FGF12: variants seen among roughly 807,000 people sequenced by gnomAD.
FGF12 encodes fibroblast growth factor 12.
In FGF12, 14 loss-of-function variants were observed where a neutral mutation model predicts 23.6. The observed-to-expected ratio is 0.59, with a 90% CI of 0.39 to 0.93. The LOEUF (loss-of-function observed/expected upper bound fraction) is 0.93. Among genes scored for constraint, FGF12 ranks in the 40% least tolerant of loss-of-function variants. FGF12 has a pLI of 0.00. For synonymous variants in FGF12, 62 were observed against 77.3 expected, an observed-to-expected ratio of 0.80 and a Z score of 1.04; for missense variants, 175 against 217.8, an observed-to-expected ratio of 0.80 and a Z score of 1.24.
intron 2 of FGF12, among the ~76,000 whole-genome samples, chr3:192,486,810 G>C (rs1184225384): frequency 6.6e-6 from 1 of 152,054 alleles, no homozygotes; most frequent in Non-Finnish European, 1.5e-5. Context: ...AATAAACACT[G>C]AACACTCATA....
chr3:192,371,671 G>A (rs1386599780), intron 2 of FGF12, among the ~76,000 whole-genome samples: 2 of 152,174 alleles, frequency 1.3e-5, no homozygotes, highest in Non-Finnish European at 2.9e-5. Flanking sequence ...GTTAACAAAT[G>A]CCAGGCACTT....
At chr3:192,217,626 C>T (rs897845749) in intron 4 of FGF12, among the ~76,000 whole-genome samples, 1 of 152,078 alleles carries the variant, frequency 6.6e-6, no homozygotes, top group Non-Finnish European at 1.5e-5. Flanking sequence ...TAGAATTAAG[C>T]TTTAGTATTT....
rs915562545 is a variant in FGF12 at position 192,142,575 on chromosome 3, A to G, written c.*1434T>C. 6.6e-6 allele frequency: 1 copy of G among 152,394 alleles called. No individual in the cohort carries two copies. The highest frequency in any genetic ancestry group is 1.5e-5 in the Non-Finnish European group (1 of 67,956). 9.4% of individuals were successfully genotyped at this position (152,394 alleles called of 1,614,324 possible). On this transcript the variant is annotated 3_prime_UTR_variant, in exon 6 of 6. Coordinates refer to ENST00000445105, the MANE Select transcript of FGF12 (RefSeq NM_004113.6). ...AATAGATCTATTTATTCCAATGCAAATTGTGTAACATTTATTTCTTCCTTG... is the reference window on the plus strand; with the variant it reads ...AATAGATCTATTTATTCCAATGCAAGTTGTGTAACATTTATTTCTTCCTTG...
intron 2 of FGF12, among the ~76,000 whole-genome samples, chr3:192,506,651 C>T (rs1040358716): frequency 2.6e-5 from 4 of 152,172 alleles, no homozygotes; most frequent in African/African-American, 4.8e-5. Flanking sequence ...GGATTACAGG[C>T]GTGAGCCACC....
intron 2 of FGF12, among the ~76,000 whole-genome samples, chr3:192,394,887 C>G (rs1720454035): frequency 6.6e-6 from 1 of 152,060 alleles, no homozygotes; most frequent in African/African-American, 2.4e-5. Flanking sequence ...CAGAAAGAAC[C>G]TTTTCCATTA....
At chr3:192,524,784 A>G (rs1367245896) in intron 2 of FGF12, among the ~76,000 whole-genome samples, 1 of 152,154 alleles carries the variant, frequency 6.6e-6, no homozygotes, top group Non-Finnish European at 1.5e-5. Context: ...CCACAAACAT[A>G]CAAACATCTT....
chr3:192,643,842 T>C (rs1439787484), intron 2 of FGF12, among the ~76,000 whole-genome samples: 2 of 152,230 alleles, frequency 1.3e-5, no homozygotes, highest in African/African-American at 2.4e-5. Flanking sequence ...AAAAAACAGT[T>C]GAACTCATAT....
chr3:192,556,863 A>G (rs1325321442), intron 2 of FGF12, among the ~76,000 whole-genome samples: 1 of 152,144 alleles, frequency 6.6e-6, no homozygotes, highest in East Asian at 1.9e-4. Context: ...TCCAATCACA[A>G]TGGATTGAAA....
intron 3 of FGF12, among the ~76,000 whole-genome samples, chr3:192,340,132 T>G (rs918620802): frequency 6.6e-6 from 1 of 151,954 alleles, no homozygotes; most frequent in African/African-American, 2.4e-5. Context: ...CTAACTTAGC[T>G]CCCTCTGCTT....
chr3:192,689,522 C>T (rs1717875166), intron 2 of FGF12, among the ~76,000 whole-genome samples: 1 of 151,776 alleles, frequency 6.6e-6, no homozygotes, highest in Non-Finnish European at 1.5e-5. Flanking sequence ...AATACAATGA[C>T]TGAACAACAG....
At chr3:192,667,915 C>A (rs912965125) in intron 2 of FGF12, among the ~76,000 whole-genome samples, 1 of 151,966 alleles carries the variant, frequency 6.6e-6, no homozygotes, top group African/African-American at 2.4e-5. Context: ...ATCAGACACA[C>A]ATAATGAAAA....
intron 2 of FGF12, among the ~76,000 whole-genome samples, chr3:192,609,167 T>C (rs1335683320): frequency 6.6e-6 from 1 of 152,100 alleles, no homozygotes; most frequent in Non-Finnish European, 1.5e-5. Context: ...AAGCCTGGTG[T>C]GTTGATTCTG....
At chr3:192,302,866 T>C (rs1715423291) in intron 4 of FGF12, among the ~76,000 whole-genome samples, 1 of 152,150 alleles carries the variant, frequency 6.6e-6, no homozygotes, top group African/African-American at 2.4e-5. Context: ...CTATGATAAG[T>C]AAAGGCAAGA....
At chr3:192,492,364 T>C (rs578040800) in intron 2 of FGF12, among the ~76,000 whole-genome samples, 3 of 152,222 alleles carry the variant, frequency 2.0e-5, no homozygotes, top group African/African-American at 4.8e-5. Flanking sequence ...GAAAAAAATA[T>C]ATAAAAATGA....
At chr3:192,298,761 T>A (rs1397499535) in intron 4 of FGF12, among the ~76,000 whole-genome samples, 1 of 150,082 alleles carries the variant, frequency 6.7e-6, no homozygotes, top group African/African-American at 2.4e-5. Context: ...AAAAAAGAGG[T>A]TTATTTTACT....
chr3:192,392,591 C>CAA (rs1720346330), intron 2 of FGF12, among the ~76,000 whole-genome samples: 3 of 41,846 alleles, frequency 7.2e-5, no homozygotes, highest in African/African-American at 3.6e-4. Flanking sequence ...AGTGAAACTC[C>CAA]GAGAGAGAGA....
chr3:192,509,595 G>C (rs920757446), intron 2 of FGF12, among the ~76,000 whole-genome samples: 1 of 152,168 alleles, frequency 6.6e-6, no homozygotes, highest in Admixed American at 6.5e-5. Context: ...AACTTTGAAA[G>C]AATAATCTCA....
intron 4 of FGF12, among the ~76,000 whole-genome samples, chr3:192,259,083 T>C: frequency 6.6e-6 from 1 of 152,156 alleles, no homozygotes; most frequent in Non-Finnish European, 1.5e-5. Context: ...TTAAGATCCA[T>C]CATGAGTAGC....
intron 2 of FGF12, among the ~76,000 whole-genome samples, chr3:192,538,154 G>C (rs1254710003): frequency 6.6e-6 from 1 of 151,866 alleles, no homozygotes; most frequent in African/African-American, 2.4e-5. Context: ...CACCATTTTG[G>C]CCAGACTGGT....
Sources: allele counts gnomAD v4.1 joint callset (sites outside exome capture counted in the v4.1 genomes callset), GRCh38; gene constraint gnomAD v4.1.1; transcripts MANE v1.5; gene names NCBI Gene and HGNC (gene_info 2026-07-23, HGNC 2026-07-21).